The following CD38 variants were observed in gnomAD, a reference collection of about 807,000 sequenced individuals.
The protein encoded by CD38 is ADP-ribosyl cyclase/cyclic ADP-ribose hydrolase 1.
Under a neutral mutation model 36.3 loss-of-function variants are expected in CD38, and 31 were observed. The observed-to-expected ratio is 0.85, with a 90% CI of 0.64 to 1.15. The LOEUF is 1.15. Among genes scored for constraint, CD38 ranks in the 50% most tolerant of loss-of-function variants. The probability of loss-of-function intolerance (pLI) is 0.00; values close to 1 mark genes in which losing one functional copy is unlikely to be tolerated. For missense variants in CD38, 380 were observed against 371.9 expected, an observed-to-expected ratio of 1.02 and a Z score of -0.18; for synonymous variants, 131 against 135.2, an observed-to-expected ratio of 0.97 and a Z score of 0.22.
chr4:15,786,211 G>A (rs1398188336), intron 1 of CD38, among the ~76,000 whole-genome samples: 3 of 152,020 alleles, frequency 2.0e-5, no homozygotes, highest in East Asian at 1.9e-4. Context: ...ACGCCAATGG[G>A]TTGCCAGTGT....
Position 15,849,181 on chromosome 4 carries a change from AT to A in CD38, c.*585del, listed in dbSNP as rs1351403542. 2 of 152,098 alleles carry A rather than the reference AT, an allele frequency of 1.3e-5. No homozygotes were observed. The highest frequency in any genetic ancestry group is 2.9e-5 in the Non-Finnish European group (2 of 68,006). 9.4% of individuals were successfully genotyped at this position (152,098 alleles called of 1,614,324 possible). ...AGTGCTGTGAGGTTGGTATTATTTC[AT>A]TTTTTAGATGAGAAAATGGGAGCTC... On this transcript the variant is annotated 3_prime_UTR_variant, in exon 8 of 8. Transcript: ENST00000226279.
intron 3 of CD38, among the ~76,000 whole-genome samples, chr4:15,833,883 C>G (rs1387259369): frequency 6.6e-6 from 1 of 152,180 alleles, no homozygotes; most frequent in African/African-American, 2.4e-5. Context: ...AAAGCAACCA[C>G]TGAAGGACTG....
chr4:15,795,794 GTTA>G (rs1415514996), intron 1 of CD38, among the ~76,000 whole-genome samples: 1 of 152,088 alleles, frequency 6.6e-6, no homozygotes, highest in African/African-American at 2.4e-5. Context: ...ATAGTAGACA[GTTA>G]TTCTACATTT....
chr4:15,821,668 T>C (rs1577652303), intron 2 of CD38, among the ~76,000 whole-genome samples: 1 of 119,336 alleles, frequency 8.4e-6, no homozygotes, highest in Non-Finnish European at 1.7e-5. Context: ...ACAAGTTCTA[T>C]AATTGAGGCA....
At chr4:15,805,590 A>G (rs1257610638) in intron 1 of CD38, among the ~76,000 whole-genome samples, 1 of 152,228 alleles carries the variant, frequency 6.6e-6, no homozygotes, top group Admixed American at 6.5e-5. Flanking sequence ...TCCTAGAAGA[A>G]CAGAGACCTG....
intron 7 of CD38, among the ~76,000 whole-genome samples, chr4:15,847,978 C>A (rs1724299878): frequency 6.6e-6 from 1 of 152,196 alleles, no homozygotes; most frequent in African/African-American, 2.4e-5. Context: ...ACACCTCTTC[C>A]TTCCAGAAGC....
chr4:15,831,032 T>C (rs561528720), intron 3 of CD38, among the ~76,000 whole-genome samples: 3 of 152,274 alleles, frequency 2.0e-5, no homozygotes, highest in African/African-American at 4.8e-5. Flanking sequence ...GGAACTGTTA[T>C]ATGTTTTTGA....
intron 2 of CD38, among the ~76,000 whole-genome samples, chr4:15,821,999 C>G (rs1282777770): frequency 6.6e-6 from 1 of 152,198 alleles, no homozygotes; most frequent in African/African-American, 2.4e-5. Flanking sequence ...CCACCATGAT[C>G]AAGTTGGCTT....
intron 1 of CD38, among the ~76,000 whole-genome samples, chr4:15,811,531 T>G (rs770353792): frequency 5.3e-5 from 8 of 152,186 alleles, no homozygotes; most frequent in African/African-American, 9.7e-5. Context: ...AAGTGTTGTT[T>G]TTTTTTTCCC....
intron 1 of CD38, among the ~76,000 whole-genome samples, chr4:15,786,822 G>A (rs774902823): frequency 1.2e-4 from 18 of 152,214 alleles, no homozygotes; most frequent in Non-Finnish European, 2.5e-4. Context: ...GGAGCCCACG[G>A]CAGGGAGGGT....
At chr4:15,795,503 A>C (rs1464543451) in intron 1 of CD38, among the ~76,000 whole-genome samples, 1 of 152,122 alleles carries the variant, frequency 6.6e-6, no homozygotes, top group Non-Finnish European at 1.5e-5. Flanking sequence ...AAAGTAAAAC[A>C]TGCCCATTGA....
In CD38 at chr4:15,839,209, A is replaced by G. The variant is rs191233174; in HGVS notation, c.660-817A>G. 3.3e-5 allele frequency among the ~76,000 whole-genome samples: 5 copies of G among 152,186 alleles called. No homozygotes were observed. The East Asian group carries it at 9.6e-4, about 29-fold the overall frequency. ...AAAAGCATTAACATTTCAGAATTTT[A>G]TGATCTAATATTATGGTTCAAGCAC... is the stretch of plus-strand genomic sequence containing the variant. On this transcript the variant is annotated intron_variant, in intron 5 of 7. Coordinates refer to ENST00000226279, the MANE Select transcript of CD38 (RefSeq NM_001775.4).
At chr4:15,835,043 T>C (rs997882808) in intron 4 of CD38, among the ~76,000 whole-genome samples, 3 of 152,320 alleles carry the variant, frequency 2.0e-5, no homozygotes, top group East Asian at 1.9e-4. Context: ...GTTGGGAGCA[T>C]TGAATATCCC....
At chr4:15,790,891 G>T (rs1461068862) in intron 1 of CD38, among the ~76,000 whole-genome samples, 1 of 149,106 alleles carries the variant, frequency 6.7e-6, no homozygotes, top group African/African-American at 2.5e-5. Flanking sequence ...GGTGAGGAGT[G>T]TCTCTGCCCG....
chr4:15,800,858 C>G (rs1560310075), intron 1 of CD38, among the ~76,000 whole-genome samples: 1 of 151,866 alleles, frequency 6.6e-6, no homozygotes, highest in African/African-American at 2.4e-5. Context: ...AGATTTAAAA[C>G]AACTTAACAG....
intron 1 of CD38, among the ~76,000 whole-genome samples, chr4:15,779,753 T>A (rs1040976143): frequency 6.6e-5 from 10 of 151,434 alleles, no homozygotes; most frequent in African/African-American, 2.4e-4. Context: ...TTGTAAAGTA[T>A]GAAGTGAAAT....
chr4:15,840,466 A>T lies in CD38; in HGVS notation c.767A>T (p.Asp256Val). 1.2e-6 allele frequency: 2 copies of T among 1,602,018 alleles called. No individual in the cohort carries two copies. The highest frequency in any genetic ancestry group is 1.7e-6 in the Non-Finnish European group (2 of 1,169,922). ...GREDSRDLCQ[D>V]PTIKELESII... The stretch of plus-strand genomic sequence containing the variant: ...TTCTTCCCCAGAGACTTATGCCAGG[A>T]TCCCACCATAAAAGAGCTGGAATCG... The change falls in exon 7 of 8, where the codon GAT becomes GTT. Residue 256 changes from aspartate (D) to valine (V), a missense_variant. Physicochemically the swap from Asp to Val is radical, Grantham distance 152. Transcript: ENST00000226279.
chr4:15,815,199 G>A (rs1256084270), intron 1 of CD38, among the ~76,000 whole-genome samples: 3 of 152,146 alleles, frequency 2.0e-5, no homozygotes, highest in Non-Finnish European at 2.9e-5. Flanking sequence ...GTCAGGTAAC[G>A]TGATGCCTCC....
At chr4:15,832,593 T>A (rs1309418983) in intron 3 of CD38, among the ~76,000 whole-genome samples, 8 of 152,158 alleles carry the variant, frequency 5.3e-5, no homozygotes, top group Admixed American at 5.2e-4. Context: ...GTCCCTTTAC[T>A]TTCTCCCAGA....
Sources: allele counts gnomAD v4.1 joint callset (sites outside exome capture counted in the v4.1 genomes callset), GRCh38; gene constraint gnomAD v4.1.1; transcripts MANE v1.5; gene names NCBI Gene and HGNC (gene_info 2026-07-23, HGNC 2026-07-21).